The following SH3RF3 variants were observed in gnomAD, a reference collection of about 807,000 sequenced individuals.
SH3RF3 encodes the protein E3 ubiquitin-protein ligase SH3RF3.
A neutral mutation model predicts 66.3 loss-of-function variants in SH3RF3; 29 were observed. The ratio of observed to expected loss-of-function variants is 0.44; its 90% CI spans 0.33 to 0.60. The LOEUF is 0.60. Ranked by LOEUF, SH3RF3 falls within the 20% of genes least tolerant of loss-of-function variation. The pLI is 0.04. For missense variants in SH3RF3, 1,194 were observed against 1,190.9 expected (o/e 1.00, Z -0.04); for synonymous variants, 583 against 532.0 (o/e 1.10, Z -1.32).
chr2:109,156,118 C>G (rs1032995915), intron 1 of SH3RF3, among the ~76,000 whole-genome samples: 4 of 152,212 alleles, frequency 2.6e-5, no homozygotes, highest in African/African-American at 9.7e-5. Flanking sequence ...TGCTTGCTAG[C>G]CATCCTCCCA....
chr2:109,237,879 T>C (rs1464476752), intron 1 of SH3RF3, among the ~76,000 whole-genome samples: 2 of 152,162 alleles, frequency 1.3e-5, no homozygotes, highest in Non-Finnish European at 2.9e-5. Flanking sequence ...TTATTAATAG[T>C]GTGGAGATTG....
intron 1 of SH3RF3, among the ~76,000 whole-genome samples, chr2:109,222,540 G>A (rs1679279884): frequency 6.6e-6 from 1 of 152,240 alleles, no homozygotes; most frequent in African/African-American, 2.4e-5. Context: ...CATTGTTGGA[G>A]GGGCAAGGGT....
intron 1 of SH3RF3, among the ~76,000 whole-genome samples, chr2:109,335,247 C>A (rs1480354205): frequency 6.6e-6 from 1 of 152,224 alleles, no homozygotes; most frequent in Non-Finnish European, 1.5e-5. Context: ...GGGCAAGGCC[C>A]CTCGCCCGTC....
At chr2:109,464,666 A>G (rs1678293418) in intron 8 of SH3RF3, among the ~76,000 whole-genome samples, 1 of 152,192 alleles carries the variant, frequency 6.6e-6, no homozygotes, top group South Asian at 2.1e-4. Flanking sequence ...TTTATTTTTT[A>G]GAACAAATTT....
intron 1 of SH3RF3, among the ~76,000 whole-genome samples, chr2:109,271,016 C>T (rs578071196): frequency 6.6e-6 from 1 of 152,310 alleles, no homozygotes; most frequent in African/African-American, 2.4e-5. Flanking sequence ...CCTCATTGAA[C>T]ATTTACTATG....
intron 3 of SH3RF3, among the ~76,000 whole-genome samples, chr2:109,375,195 C>T (rs1683352922): frequency 1.3e-5 from 2 of 152,270 alleles, no homozygotes; most frequent in African/African-American, 4.8e-5. Context: ...GTGCTGTGCT[C>T]ACCGGAGATA....
At chr2:109,489,648 G>C (rs1679074994) in intron 8 of SH3RF3, among the ~76,000 whole-genome samples, 1 of 151,682 alleles carries the variant, frequency 6.6e-6, no homozygotes, top group South Asian at 2.1e-4. Flanking sequence ...GGCATCACTG[G>C]CCTGCCCTGG....
chr2:109,159,833 G>A (rs1677443444), intron 1 of SH3RF3, among the ~76,000 whole-genome samples: 2 of 152,324 alleles, frequency 1.3e-5, no homozygotes, highest in South Asian at 4.1e-4. Flanking sequence ...AACGCCTCAT[G>A]ATCTGTCACT....
chr2:109,405,561 C>T (rs1422050847), intron 4 of SH3RF3, among the ~76,000 whole-genome samples: 1 of 152,218 alleles, frequency 6.6e-6, no homozygotes, highest in South Asian at 2.1e-4. Flanking sequence ...TCCCTTCCCA[C>T]CTGCCCATGT....
rs192018911 is a variant in SH3RF3, at chr2:109,231,821, T to C, written c.573+101708T>C. The stretch of plus-strand genomic sequence containing the variant: ...TATTCATTTTTAGTAATGTAGAATT[T>C]ACTCTAGCTGGATTAGATATTTGCC... On this transcript the variant is annotated intron_variant, in intron 1 of 9. Transcript: ENST00000309415. Among the ~76,000 whole-genome samples, 20 of 152,384 alleles carry C rather than the reference T, an allele frequency of 1.3e-4. No individual in the cohort carries two copies. The East Asian group carries it at 3.7e-3, about 28-fold the overall frequency.
At chr2:109,297,855 C>T (rs778771755) in intron 1 of SH3RF3, among the ~76,000 whole-genome samples, 7 of 152,096 alleles carry the variant, frequency 4.6e-5, no homozygotes, top group African/African-American at 7.2e-5. Flanking sequence ...TGGGCCAGTT[C>T]GCCCCACCCA....
intron 1 of SH3RF3, among the ~76,000 whole-genome samples, 177 bp from the exon 2 acceptor site, chr2:109,347,497 A>G (rs1395884587): frequency 6.6e-6 from 1 of 152,022 alleles, no homozygotes; most frequent in African/African-American, 2.4e-5. Flanking sequence ...GCGCCTCAGA[A>G]TGTGCATGTT....
intron 3 of SH3RF3, among the ~76,000 whole-genome samples, chr2:109,379,011 T>G (rs1055207256): frequency 2.8e-4 from 43 of 152,140 alleles, no homozygotes; most frequent in Admixed American, 2.8e-3. Context: ...GCTCCCCAGA[T>G]CCAGAACTCT....
At chr2:109,259,133 A>G (rs771238874) in intron 1 of SH3RF3, among the ~76,000 whole-genome samples, 28 of 152,270 alleles carry the variant, frequency 1.8e-4, no homozygotes, top group Non-Finnish European at 3.5e-4. Flanking sequence ...AATAGCTGCA[A>G]CATGCCACGC....
At chr2:109,361,725 C>T (rs905315138) in intron 2 of SH3RF3, among the ~76,000 whole-genome samples, 1 of 152,176 alleles carries the variant, frequency 6.6e-6, no homozygotes, top group African/African-American at 2.4e-5. Context: ...ATCTGCCCAC[C>T]TCAGCCTCCC....
Position 109,144,366 on chromosome 2 carries a change from C to T in SH3RF3, c.573+14253C>T, listed in dbSNP as rs149852443. On this transcript the variant is annotated intron_variant, in intron 1 of 9. Transcript: ENST00000309415. ...AAATTTAACATGATAATGAAAAGTA[C>T]TTTTAAAAAACACACAAAGCTGCCT... 1.5e-3 allele frequency among the ~76,000 whole-genome samples: 234 copies of T among 152,214 alleles called. 2 individuals carry two copies. The highest frequency in any genetic ancestry group is 6.8e-3 in the Middle Eastern group (2 of 294).
intron 1 of SH3RF3, among the ~76,000 whole-genome samples, chr2:109,206,515 A>AAG (rs1678843133): frequency 6.9e-6 from 1 of 145,148 alleles, no homozygotes; most frequent in Non-Finnish European, 1.5e-5. Context: ...AAAAAAAAAA[A>AAG]GAATTAGAGG....
At chr2:109,482,575 C>T (rs1223820244) in intron 8 of SH3RF3, among the ~76,000 whole-genome samples, 4 of 152,206 alleles carry the variant, frequency 2.6e-5, no homozygotes, top group African/African-American at 4.8e-5. Context: ...GCGCCCAGCC[C>T]GGGGCCATGA....
At chr2:109,297,469 CTGGTG>C (rs1681342739) in intron 1 of SH3RF3, among the ~76,000 whole-genome samples, 1 of 152,086 alleles carries the variant, frequency 6.6e-6, no homozygotes, top group African/African-American at 2.4e-5. Flanking sequence ...AGAGGGGTGC[CTGGTG>C]TGGGTCAGTG....
Sources: allele counts gnomAD v4.1 joint callset (sites outside exome capture counted in the v4.1 genomes callset), GRCh38; gene constraint gnomAD v4.1.1; transcripts MANE v1.5; gene names NCBI Gene and HGNC (gene_info 2026-07-23, HGNC 2026-07-21).